Variants in ZNF585B observed in about 807,000 individuals in gnomAD.
ZNF585B encodes the protein zinc finger protein 585B.
Under a neutral mutation model 14.0 loss-of-function variants are expected in ZNF585B, and 7 were observed. The observed-to-expected ratio is 0.50, with a 90% CI of 0.28 to 0.94. The LOEUF (loss-of-function observed/expected upper bound fraction) is 0.94, where lower values mean the gene tolerates loss of function less well. ZNF585B is among the 40% of genes least tolerant of loss of function. ZNF585B has a pLI of 0.09. For synonymous variants in ZNF585B, 290 were observed against 317.3 expected (o/e 0.91, Z 0.91); for missense variants, 750 against 924.4 (o/e 0.81, Z 2.45).
chr19:37,207,844 T>C (rs1457201409), intron 1 of ZNF585B, among the ~76,000 whole-genome samples: 4 of 152,176 alleles, frequency 2.6e-5, no homozygotes, highest in African/African-American at 9.7e-5. Flanking sequence ...TCAGACAATG[T>C]TGATCTATAT....
intron 2 of ZNF585B, chr19:37,199,183 A>C: frequency 4.0e-6 from 2 of 495,638 alleles, no homozygotes; most frequent in Non-Finnish European, 3.6e-6. Context: ...ACGAGATGTC[A>C]TGTTAGGCTG....
In ZNF585B at chr19:37,184,762, G is replaced by T; in HGVS notation, c.*465C>A. On this transcript the variant is annotated 3_prime_UTR_variant, in exon 5 of 5. Transcript: ENST00000532828. The stretch of plus-strand genomic sequence containing the variant: ...CACAACTGTGTTCGATTCAAAAGAA[G>T]AAAATACCCACAATTCTACTAGACA... 2.6e-6 allele frequency: 1 copy of T among 382,918 alleles called. No homozygotes were observed. The allele number at this position is 382,918 out of a possible 1,614,324, so 23.7% of individuals were successfully genotyped here. A position where few individuals can be genotyped will look rare whatever the true frequency, so the allele number is the denominator to read the frequency against.
At position 37,186,971 on chromosome 19, in the gene ZNF585B, T is replaced by C. The variant is rs752600670; in HGVS notation, c.566A>G (p.Asn189Ser). The C allele has an allele frequency of 1.8e-5, 29 of 1,614,042 alleles. 2 individuals are homozygous for C. In the South Asian group the frequency reaches 3.1e-4, roughly 17 times the overall value. ...THMREKPYKCNECGKSFFQVS... is the reference protein window; with the variant it reads ...THMREKPYKCSECGKSFFQVS... ...TTGAAAAAAGGATTTTCCACATTCA[T>C]TGCACTTATAGGGCTTCTCTCTCAT... The change falls in exon 5 of 5, where the codon AAT becomes AGT. Residue 189 changes from asparagine (N) to serine (S), a missense_variant. Asn to Ser is a conservative substitution (Grantham distance 46). Around this residue, in one of 2 missense-constraint regions of ZNF585B, gnomAD observed 517 missense variants for 570.3 expected, o/e 0.91. Transcript: ENST00000532828.
chr19:37,183,435 G>A lies in ZNF585B; in HGVS notation c.*1792C>T, dbSNP rs1284461862. On this transcript the variant is annotated 3_prime_UTR_variant, in exon 5 of 5. Coordinates refer to ENST00000532828, the MANE Select transcript of ZNF585B (RefSeq NM_152279.4). ...TGGCAGTCATGGGTCTAGACTCATA[G>A]TGGTGAACAAAAGGGAAATATTTTC... The A allele has an allele frequency of 1.2e-4, 18 of 152,156 alleles. No individual in the cohort carries two copies. Among genetic ancestry groups the A allele is most frequent in the Admixed American group, 1.2e-3 (18 of 15,262 alleles). 9.4% of individuals were successfully genotyped at this position (152,156 alleles called of 1,614,324 possible). A position where few individuals can be genotyped will look rare whatever the true frequency, so the allele number is the denominator to read the frequency against.
In ZNF585B at chr19:37,185,592, G is replaced by A. The variant is rs760038350; in HGVS notation, c.1945C>T (p.Leu649Phe). The A allele has an allele frequency of 6.2e-7, 1 of 1,612,784 alleles. No individual in the cohort carries two copies. The highest frequency in any genetic ancestry group is 8.5e-7 in the Non-Finnish European group (1 of 1,179,624). The change falls in exon 5 of 5, where the codon CTC becomes TTC. Residue 649 changes from leucine (L) to phenylalanine (F), a missense_variant. Leu to Phe is a conservative substitution (Grantham distance 22). Transcript: ENST00000532828. ...CGKAFSGRSN[L>F]SKHQKTHTGE... Reference sequence around the variant, plus strand: ...GTATGAGTTTTCTGGTGCTTACTGAGATTTGACCTGCCACTAAAGGCTTTC... The same window carrying A: ...GTATGAGTTTTCTGGTGCTTACTGAAATTTGACCTGCCACTAAAGGCTTTC...
chr19:37,184,838 ATTATG>A lies in ZNF585B; in HGVS notation c.*384_*388del, dbSNP rs1190768848. ...AGAAGGATTCATCACTATCATATAT[ATTATG>A]TTGTCTTACCATTCAAACTGTTGGC... is the stretch of plus-strand genomic sequence containing the variant. On this transcript the variant is annotated 3_prime_UTR_variant, in exon 5 of 5. Coordinates refer to ENST00000532828, the MANE Select transcript of ZNF585B (RefSeq NM_152279.4). The A allele has an allele frequency of 2.4e-6, 1 of 421,342 alleles. No individual in the cohort carries two copies. Among genetic ancestry groups the A allele is most frequent in the African/African-American group, 2.0e-5 (1 of 49,034 alleles). 26.1% of individuals were successfully genotyped at this position (421,342 alleles called of 1,614,324 possible).
intron 2 of ZNF585B, among the ~76,000 whole-genome samples, chr19:37,193,937 G>T (rs779176331): frequency 3.9e-5 from 6 of 152,076 alleles, no homozygotes; most frequent in Non-Finnish European, 7.4e-5. Flanking sequence ...TGATAACAAA[G>T]AATTACTGTT....
intron 2 of ZNF585B, among the ~76,000 whole-genome samples, chr19:37,203,373 G>A (rs926361393): frequency 9.2e-5 from 14 of 151,908 alleles, no homozygotes; most frequent in African/African-American, 3.4e-4. Flanking sequence ...CCAGCTAGGA[G>A]GGAGGCTGAG....
chr19:37,188,357 A>G (rs1042556448), intron 4 of ZNF585B, among the ~76,000 whole-genome samples: 37 of 152,304 alleles, frequency 2.4e-4, no homozygotes, highest in African/African-American at 8.4e-4. Flanking sequence ...GTGGTGGCTC[A>G]TGCCTGTAAT....
rs767410974 is a variant in ZNF585B at position 37,186,684 on chromosome 19, A to G, written c.853T>C (p.Leu285=). ...CTATGAATTCTTCGGTGTGCAATCAATTGTGTTTTCTGGATGAAGGCCTGC... is the reference window on the plus strand; with the variant it reads ...CTATGAATTCTTCGGTGTGCAATCAGTTGTGTTTTCTGGATGAAGGCCTGC... The part of the protein sequence containing the change: ...CGQAFIQKTQ[L]IAHRRIHSGE... Residue 285 remains leucine (L), a synonymous_variant, in exon 5 of 5, where the codon TTG becomes CTG. Coordinates refer to ENST00000532828, the MANE Select transcript of ZNF585B (RefSeq NM_152279.4). 2 of 1,613,772 alleles carry G rather than the reference A, an allele frequency of 1.2e-6. No homozygotes were observed. The highest frequency in any genetic ancestry group is 2.2e-5 in the East Asian group (1 of 44,886).
At chr19:37,192,402 C>T (rs1054412233) in intron 2 of ZNF585B, among the ~76,000 whole-genome samples, 1 of 151,728 alleles carries the variant, frequency 6.6e-6, no homozygotes, top group South Asian at 2.1e-4. Flanking sequence ...GTAAGGGGGA[C>T]ATTGCCCAGC....
In ZNF585B at chr19:37,185,039, G is replaced by A. The variant is rs1272879640; in HGVS notation, c.*188C>T. 5.5e-6 allele frequency: 3 copies of A among 543,844 alleles called. No homozygotes were observed. The African/African-American group carries it at 5.6e-5, about 10-fold the overall frequency. The allele number at this position is 543,844 out of a possible 1,614,324, so 33.7% of individuals were successfully genotyped here. A position where few individuals can be genotyped will look rare whatever the true frequency, so the allele number is the denominator to read the frequency against. ...TAATGACCCAAGGTTTACTGGGGAT[G>A]GTGACAATGTAGGAAGGGTCCCTCG... On this transcript the variant is annotated 3_prime_UTR_variant, in exon 5 of 5. Transcript: ENST00000532828.
chr19:37,208,437 A>G (rs1972610208), intron 1 of ZNF585B, among the ~76,000 whole-genome samples: 1 of 152,198 alleles, frequency 6.6e-6, no homozygotes, highest in Admixed American at 6.5e-5. Flanking sequence ...CCCAGAAGCT[A>G]TAACAGAAAA....
chr19:37,201,119 C>T (rs1481681458), intron 2 of ZNF585B, among the ~76,000 whole-genome samples: 2 of 151,102 alleles, frequency 1.3e-5, no homozygotes, highest in Non-Finnish European at 1.5e-5. Context: ...TATCTTTCCA[C>T]TGCCATACAG....
intron 2 of ZNF585B, among the ~76,000 whole-genome samples, chr19:37,193,332 G>A (rs548545784): frequency 5.9e-5 from 9 of 151,790 alleles, no homozygotes; most frequent in African/African-American, 1.9e-4. Flanking sequence ...TTAGCTGGGC[G>A]CAGTGGCGGG....
intron 2 of ZNF585B, among the ~76,000 whole-genome samples, chr19:37,194,012 C>T (rs1972433282): frequency 6.6e-6 from 1 of 152,138 alleles, no homozygotes; most frequent in Non-Finnish European, 1.5e-5. Flanking sequence ...GAATTCATCT[C>T]TTTGAGATAC....
At chr19:37,206,931 T>C (rs901261505) in intron 2 of ZNF585B, 109 bp downstream of exon 2, 36 of 1,372,392 alleles carry the variant, frequency 2.6e-5, no homozygotes, top group Non-Finnish European at 3.7e-5. Flanking sequence ...AAGTCTAGAG[T>C]CCAGCTGGTT....
At chr19:37,209,213 T>A (rs1972619453) in intron 1 of ZNF585B, among the ~76,000 whole-genome samples, 1 of 152,102 alleles carries the variant, frequency 6.6e-6, no homozygotes, top group Non-Finnish European at 1.5e-5. Context: ...CAAGTGATTC[T>A]TCTGCCTCAG....
intron 4 of ZNF585B, 74 bp downstream of exon 4, chr19:37,189,587 G>T: frequency 6.4e-7 from 1 of 1,555,440 alleles, no homozygotes. Context: ...ACAGGTTCCA[G>T]TGTTTTTCAA....
Sources: gnomAD v4.1 joint callset for allele counts (sites outside exome capture counted in the v4.1 genomes callset) on GRCh38, gnomAD v4.1.1 for gene constraint, gnomAD v4.1.1 regional missense constraint, MANE v1.5 for transcripts, NCBI Gene and HGNC (gene_info 2026-07-23, HGNC 2026-07-21) for gene names.